FAM107B: variants seen among roughly 807,000 people sequenced by gnomAD.
FAM107B encodes protein FAM107B.
Under a neutral mutation model 31.5 loss-of-function variants are expected in FAM107B, and 21 were observed. The ratio of observed to expected loss-of-function variants is 0.67; its 90% CI spans 0.47 to 0.96. The LOEUF (loss-of-function observed/expected upper bound fraction) is 0.96, where lower values mean the gene tolerates loss of function less well. Ranked by LOEUF, FAM107B falls within the 40% of genes least tolerant of loss-of-function variation. FAM107B has a pLI of 0.00. For missense variants in FAM107B, 452 were observed against 377.1 expected, an observed-to-expected ratio of 1.20 and a Z score of -1.64; for synonymous variants, 157 against 141.5, an observed-to-expected ratio of 1.11 and a Z score of -0.78.
At chr10:14,599,257 T>A (rs905598006) in intron 2 of FAM107B, among the ~76,000 whole-genome samples, 5 of 152,054 alleles carry the variant, frequency 3.3e-5, no homozygotes, top group African/African-American at 1.2e-4. Flanking sequence ...CTTCTAAGTC[T>A]CCCGACTGCT....
At chr10:14,591,509 G>C (rs780454457) in intron 2 of FAM107B, among the ~76,000 whole-genome samples, 1 of 152,078 alleles carries the variant, frequency 6.6e-6, no homozygotes, top group Non-Finnish European at 1.5e-5. Context: ...CCGATACCCT[G>C]GTCAGTTTAA....
intron 1 of FAM107B, among the ~76,000 whole-genome samples, chr10:14,680,530 T>C (rs1040442389): frequency 8.8e-5 from 13 of 147,270 alleles, no homozygotes; most frequent in Admixed American, 8.2e-4. Flanking sequence ...ACTGAAATCA[T>C]GCCACTGCAC....
chr10:14,570,562 G>C (rs1851129453), intron 2 of FAM107B, among the ~76,000 whole-genome samples: 1 of 152,222 alleles, frequency 6.6e-6, no homozygotes, highest in Admixed American at 6.5e-5. Context: ...AGCACTTTGG[G>C]AGGCTGAGGT....
At chr10:14,650,727 T>C (rs1396744811) in intron 2 of FAM107B, among the ~76,000 whole-genome samples, 1 of 152,268 alleles carries the variant, frequency 6.6e-6, no homozygotes, top group Non-Finnish European at 1.5e-5. Flanking sequence ...TAAACATTTT[T>C]ATATCCTACT....
intron 2 of FAM107B, among the ~76,000 whole-genome samples, chr10:14,643,697 A>G (rs1853685381): frequency 6.6e-6 from 1 of 152,180 alleles, no homozygotes; most frequent in Non-Finnish European, 1.5e-5. Flanking sequence ...GGCGTGAGCC[A>G]CTGCACCCGG....
At chr10:14,702,458 C>T (rs1465500269) in intron 1 of FAM107B, among the ~76,000 whole-genome samples, 5 of 152,084 alleles carry the variant, frequency 3.3e-5, no homozygotes, top group Admixed American at 6.6e-5. Flanking sequence ...GCGATTCTCC[C>T]GCCTCAGCCC....
intron 2 of FAM107B, among the ~76,000 whole-genome samples, chr10:14,550,869 A>G (rs1342930109): frequency 6.6e-6 from 1 of 152,244 alleles, no homozygotes; most frequent in East Asian, 1.9e-4. Flanking sequence ...ACTCATAATG[A>G]AAACTTGTCT....
chr10:14,524,643 T>C (rs140781929), intron 3 of FAM107B, among the ~76,000 whole-genome samples: 355 of 152,364 alleles, frequency 2.3e-3, no homozygotes, highest in Admixed American at 3.9e-3. Flanking sequence ...TGTTTTTAAG[T>C]AATCTGAATA....
chr10:14,774,657 T>A lies in FAM107B; in HGVS notation c.7A>T (p.Thr3Ser), dbSNP rs765482128. Residue 3 changes from threonine (T) to serine (S), a missense_variant, in exon 1 of 5, where the codon ACG becomes TCG. Thr to Ser is a moderately conservative substitution (Grantham distance 58, BLOSUM62 1). Coordinates refer to ENST00000181796, the MANE Select transcript of FAM107B (RefSeq NM_031453.4). ...CTTTTGGTGAGTCTTGCTTTCCACG[T>A]GGACATGACTTGCAGTGAATCATTG... is the stretch of plus-strand genomic sequence containing the variant. MS[T>S]WKARLTKRLK... The A allele has an allele frequency of 6.2e-7, 1 of 1,612,344 alleles. No individual in the cohort carries two copies. The highest frequency in any genetic ancestry group is 8.5e-7 in the Non-Finnish European group (1 of 1,178,894).
chr10:14,540,689 C>T (rs1423875343), intron 2 of FAM107B, among the ~76,000 whole-genome samples: 1 of 152,252 alleles, frequency 6.6e-6, no homozygotes, highest in Non-Finnish European at 1.5e-5. Flanking sequence ...CCTTCTGCTA[C>T]AAGAGCTGTT....
chr10:14,623,843 C>T (rs1230509040), intron 2 of FAM107B, among the ~76,000 whole-genome samples: 3 of 152,126 alleles, frequency 2.0e-5, no homozygotes, highest in Admixed American at 1.3e-4. Flanking sequence ...AAGTAAATCG[C>T]TCACACTTGG....
intron 2 of FAM107B, among the ~76,000 whole-genome samples, chr10:14,635,884 G>A (rs1405487573): frequency 1.3e-5 from 2 of 151,862 alleles, no homozygotes; most frequent in South Asian, 2.1e-4. Flanking sequence ...TGCCCGCCTC[G>A]GCCTCCCACC....
chr10:14,565,785 G>A (rs781394458), intron 2 of FAM107B, among the ~76,000 whole-genome samples: 1 of 152,186 alleles, frequency 6.6e-6, no homozygotes, highest in Non-Finnish European at 1.5e-5. Flanking sequence ...TGCAAAGGAG[G>A]CTGAAGGGGA....
intron 1 of FAM107B, among the ~76,000 whole-genome samples, chr10:14,762,541 G>A (rs978741970): frequency 4.6e-5 from 7 of 152,160 alleles, no homozygotes; most frequent in African/African-American, 1.7e-4. Flanking sequence ...GATCACCTGA[G>A]GCCGGGAGTT....
At chr10:14,573,870 T>C (rs1165429086) in intron 2 of FAM107B, among the ~76,000 whole-genome samples, 1 of 152,008 alleles carries the variant, frequency 6.6e-6, no homozygotes, top group Non-Finnish European at 1.5e-5. Flanking sequence ...TCACTTGGAT[T>C]CCTTCCAAAT....
chr10:14,650,502 T>C (rs1853871280), intron 2 of FAM107B, among the ~76,000 whole-genome samples: 1 of 152,158 alleles, frequency 6.6e-6, no homozygotes, highest in Non-Finnish European at 1.5e-5. Flanking sequence ...GCCAGGCTGG[T>C]CTCGAACTCC....
At position 14,606,394 on chromosome 10, in the gene FAM107B, G is replaced by A. The variant is rs114978113; in HGVS notation, c.469+61240C>T. Among the ~76,000 whole-genome samples, 1,170 of 152,178 alleles carry A rather than the reference G, an allele frequency of 7.7e-3. 17 individuals carry two copies. The highest frequency in any genetic ancestry group is 0.027 in the African/African-American group (1,130 of 41,514). The stretch of plus-strand genomic sequence containing the variant: ...GGTATTGGCGTTATTGCACTGTATC[G>A]TAAATATGTGCCTCTGTGAGCCCAG... On this transcript the variant is annotated intron_variant, in intron 2 of 4. Coordinates refer to ENST00000181796, the MANE Select transcript of FAM107B (RefSeq NM_031453.4).
intron 2 of FAM107B, among the ~76,000 whole-genome samples, chr10:14,617,754 CAAAAA>C (rs35039591): frequency 4.4e-5 from 3 of 68,802 alleles, no homozygotes; most frequent in Admixed American, 1.4e-4. Flanking sequence ...AGGTAGACGC[CAAAAA>C]AAAAAAAAAA....
chr10:14,674,379 AG>A (rs1264022490), intron 1 of FAM107B, among the ~76,000 whole-genome samples: 2 of 152,222 alleles, frequency 1.3e-5, no homozygotes, highest in African/African-American at 4.8e-5. Context: ...CAGAATATAC[AG>A]GGGCTGTGTT....
Sources: allele counts gnomAD v4.1 joint callset (sites outside exome capture counted in the v4.1 genomes callset), GRCh38; gene constraint gnomAD v4.1.1; transcripts MANE v1.5; gene names NCBI Gene and HGNC (gene_info 2026-07-23, HGNC 2026-07-21).